Variants in TRPM3 observed in about 807,000 individuals in gnomAD.
The protein encoded by TRPM3 is transient receptor potential cation channel subfamily M member 3.
TRPM3 carries 77 observed loss-of-function variants against 181.2 expected under a neutral mutation model. That is an observed-to-expected ratio of 0.42 (90% CI 0.35 to 0.51). The LOEUF (loss-of-function observed/expected upper bound fraction) is 0.51. TRPM3 is among the 20% of genes least tolerant of loss of function. The probability of loss-of-function intolerance (pLI) is 0.01; values close to 1 mark genes in which losing one functional copy is unlikely to be tolerated. For missense variants in TRPM3, 1,759 were observed against 2,196.7 expected, an observed-to-expected ratio of 0.80 and a Z score of 3.98; for synonymous variants, 745 against 796.4, an observed-to-expected ratio of 0.94 and a Z score of 1.09.
chr9:70,564,072 G>C (rs890865568), intron 22 of TRPM3, among the ~76,000 whole-genome samples: 1 of 152,142 alleles, frequency 6.6e-6, no homozygotes, highest in African/African-American at 2.4e-5. Context: ...AGAGAAGGGA[G>C]GGGCTGTGAG....
At chr9:71,407,528 G>A (rs1433239558) in intron 1 of TRPM3, among the ~76,000 whole-genome samples, 2 of 152,198 alleles carry the variant, frequency 1.3e-5, no homozygotes, top group East Asian at 3.9e-4. Context: ...CTGGGGGATG[G>A]GCATCTGCCA....
intron 22 of TRPM3, among the ~76,000 whole-genome samples, chr9:70,571,200 C>T (rs1453860793): frequency 6.6e-6 from 1 of 152,182 alleles, no homozygotes; most frequent in Non-Finnish European, 1.5e-5. Flanking sequence ...GGCTCCGGAG[C>T]CGGCCAACAT....
chr9:71,102,122 A>G (rs1439814595), intron 1 of TRPM3, among the ~76,000 whole-genome samples: 5 of 152,206 alleles, frequency 3.3e-5, no homozygotes, highest in Non-Finnish European at 7.4e-5. Context: ...GGCTAATCAC[A>G]TAATCACTAT....
At chr9:71,196,163 GTA>G (rs899311605) in intron 1 of TRPM3, among the ~76,000 whole-genome samples, 8 of 95,004 alleles carry the variant, frequency 8.4e-5, no homozygotes, top group Non-Finnish European at 1.5e-4. Context: ...ATACACACAC[GTA>G]TATGTGTGTG....
chr9:71,432,267 AAAT>A (rs2093966485), intron 1 of TRPM3, among the ~76,000 whole-genome samples: 1 of 152,050 alleles, frequency 6.6e-6, no homozygotes, highest in Non-Finnish European at 1.5e-5. Flanking sequence ...ATGATTGAAA[AAAT>A]AATGTTTTCT....
At chr9:71,271,488 G>A (rs1235036557) in intron 1 of TRPM3, among the ~76,000 whole-genome samples, 2 of 152,130 alleles carry the variant, frequency 1.3e-5, no homozygotes, top group South Asian at 2.1e-4. Flanking sequence ...ATAGGAGGTC[G>A]GGTACTCATA....
At chr9:71,044,092 T>A (rs1259525073) in intron 1 of TRPM3, among the ~76,000 whole-genome samples, 2 of 152,218 alleles carry the variant, frequency 1.3e-5, no homozygotes, top group Admixed American at 1.3e-4. Context: ...CTTTTTCCAC[T>A]GTGTACTTTC....
At chr9:70,827,493 T>G (rs564843512) in intron 6 of TRPM3, 21 of 162,862 alleles carry the variant, frequency 1.3e-4, no homozygotes, top group Admixed American at 7.5e-4. Context: ...GCTTTTCTGT[T>G]TAGCCACCAA....
chr9:71,366,444 A>G (rs59992048), intron 1 of TRPM3, among the ~76,000 whole-genome samples: 4,272 of 152,190 alleles, frequency 0.028, 90 homozygotes, highest in South Asian at 0.067. Context: ...CCAGGGTCTC[A>G]TAGCCTAAGT....
At position 70,601,677 on chromosome 9, in the gene TRPM3, G is replaced by T. The variant is rs540194557; in HGVS notation, c.2796+1665C>A. Among the ~76,000 whole-genome samples the T allele has an allele frequency of 8.3e-4, 126 of 152,254 alleles. 1 individual carries two copies. Among genetic ancestry groups the T allele is most frequent in the African/African-American group, 2.3e-3 (94 of 41,548 alleles). ...TCCTGACTCCAGCCTCCAAAGCCCT[G>T]CCCTCCCTGCTATTCTATGCCTCTT... On this transcript the variant is annotated intron_variant, in intron 20 of 25. Transcript: ENST00000677713.
At chr9:70,813,971 C>T (rs1364580064) in intron 6 of TRPM3, among the ~76,000 whole-genome samples, 1 of 152,132 alleles carries the variant, frequency 6.6e-6, no homozygotes, top group Non-Finnish European at 1.5e-5. Context: ...ACAGCTATAC[C>T]TTATTTATCT....
rs144459391 is a variant in TRPM3 at position 71,254,013 on chromosome 9, G to T, written c.183+192640C>A. Among the ~76,000 whole-genome samples, 441 of 152,270 alleles carry T rather than the reference G, an allele frequency of 2.9e-3. 1 individual carries two copies. The highest frequency in any genetic ancestry group is 0.02 in the Middle Eastern group (6 of 294). ...TGGCTCACTGCAACCTCCACCTCCT[G>T]GATTCAAATGATTCTCCTGCCTCAG... On this transcript the variant is annotated intron_variant, in intron 1 of 24. Coordinates refer to the TRPM3 transcript ENST00000357533.
chr9:71,001,635 A>T (rs904033125), intron 1 of TRPM3, among the ~76,000 whole-genome samples: 3 of 152,192 alleles, frequency 2.0e-5, no homozygotes, highest in African/African-American at 7.2e-5. Context: ...TCCTGTAAAA[A>T]CATTGAGTCC....
intron 1 of TRPM3, among the ~76,000 whole-genome samples, chr9:71,368,425 A>G (rs906786783): frequency 4.6e-5 from 7 of 152,178 alleles, no homozygotes; most frequent in Non-Finnish European, 1.0e-4. Flanking sequence ...TCAAGGCCTC[A>G]AGGGAGAAAA....
chr9:71,399,063 C>A (rs902435610), intron 1 of TRPM3, among the ~76,000 whole-genome samples: 27 of 151,952 alleles, frequency 1.8e-4, no homozygotes, highest in Admixed American at 1.7e-3. Flanking sequence ...CAATATTTAT[C>A]TTCTAAAAAA....
intron 9 of TRPM3, among the ~76,000 whole-genome samples, chr9:70,643,145 C>T (rs2058310925): frequency 6.6e-6 from 1 of 152,190 alleles, no homozygotes; most frequent in Admixed American, 6.5e-5. Flanking sequence ...ACAGGGACTG[C>T]ACACTCATAC....
chr9:70,678,841 T>C (rs1266477821), intron 9 of TRPM3, among the ~76,000 whole-genome samples: 2 of 152,232 alleles, frequency 1.3e-5, no homozygotes, highest in African/African-American at 4.8e-5. Flanking sequence ...TTGAAACCAA[T>C]ATAAGTAGGC....
chr9:71,392,968 GA>G (rs2093097671), intron 1 of TRPM3, among the ~76,000 whole-genome samples: 1 of 152,120 alleles, frequency 6.6e-6, no homozygotes, highest in Non-Finnish European at 1.5e-5. Context: ...AAGTAAACAA[GA>G]AATCTAAGTC....
intron 1 of TRPM3, among the ~76,000 whole-genome samples, chr9:71,047,981 T>C (rs1303153964): frequency 1.3e-5 from 2 of 152,164 alleles, no homozygotes; most frequent in African/African-American, 4.8e-5. Flanking sequence ...TAATTATTTG[T>C]TCAATAAACG....
Sources: allele counts gnomAD v4.1 joint callset (sites outside exome capture counted in the v4.1 genomes callset), GRCh38; gene constraint gnomAD v4.1.1; transcripts MANE v1.5; gene names NCBI Gene and HGNC (gene_info 2026-07-23, HGNC 2026-07-21).